The following ZNF521 variants were observed in gnomAD, a reference collection of about 807,000 sequenced individuals.
The protein encoded by ZNF521 is zinc finger protein 521, also known as LYST-interacting protein 3.
Under a neutral mutation model 105.5 loss-of-function variants are expected in ZNF521, and 14 were observed. The ratio of observed to expected loss-of-function variants is 0.13; its 90% CI spans 0.09 to 0.21. ZNF521 has a LOEUF of 0.21. Ranked by LOEUF, ZNF521 falls within the 10% of genes least tolerant of loss-of-function variation. ZNF521 has a pLI of 1.00. For missense variants in ZNF521, 1,233 were observed against 1,629.7 expected (o/e 0.76, Z 4.19); for synonymous variants, 635 against 606.0 (o/e 1.05, Z -0.70).
intron 4 of ZNF521, chr18:25,201,029 A>G (rs1391216242): frequency 6.8e-6 from 1 of 148,098 alleles, no homozygotes; most frequent in Non-Finnish European, 1.5e-5. Context: ...TTGAAAGCCC[A>G]TTTGTAGTGA....
At chr18:25,078,380 A>G (rs1427431178) in intron 7 of ZNF521, among the ~76,000 whole-genome samples, 1 of 152,328 alleles carries the variant, frequency 6.6e-6, no homozygotes, top group East Asian at 1.9e-4. Context: ...TCTCAAAGTG[A>G]TCTTTCACCC....
rs745891240 is a variant in ZNF521 at position 25,225,383 on chromosome 18, A to G, written c.2535T>C (p.Asn845=). 1 of 1,614,110 alleles carries G rather than the reference A, an allele frequency of 6.2e-7. No homozygotes were observed. Among genetic ancestry groups the G allele is most frequent in the African/African-American group, 1.3e-5 (1 of 75,034 alleles). Residue 845 remains asparagine, a synonymous_variant, in exon 4 of 8, where the codon AAT becomes AAC. Coordinates refer to ENST00000361524, the MANE Select transcript of ZNF521 (RefSeq NM_015461.3). The surrounding 1 kb of genome is among the most constrained non-coding windows in gnomAD (Gnocchi z 5.6). The stretch of plus-strand genomic sequence containing the variant: ...CTTTCTGCACTTGCTCGGAAGCTCC[A>G]TTTGTTCCACAGTTGGGTGTCTTGG... ...FETKTPNCGT[N]GASEQVQKEE...
chr18:25,067,968 T>C (rs998950237), intron 7 of ZNF521, among the ~76,000 whole-genome samples: 5 of 152,240 alleles, frequency 3.3e-5, no homozygotes, highest in African/African-American at 9.6e-5. Context: ...TGTTTATTTA[T>C]AGCCTTTTGT....
chr18:25,153,067 A>T (rs1046421870), intron 5 of ZNF521, among the ~76,000 whole-genome samples: 13 of 152,208 alleles, frequency 8.5e-5, no homozygotes, highest in African/African-American at 3.1e-4. Flanking sequence ...AGCTAGGTTT[A>T]AGGTTTTAAA....
intron 2 of ZNF521, among the ~76,000 whole-genome samples, chr18:25,324,522 C>A (rs1913103661): frequency 6.6e-6 from 1 of 152,068 alleles, no homozygotes; most frequent in Non-Finnish European, 1.5e-5. Context: ...GGCAAATTGA[C>A]CCCCACACCA....
rs1015369727 is a variant in ZNF521 at position 25,199,441 on chromosome 18, G to A, written c.3574-4197C>T. 2.6e-5 allele frequency among the ~76,000 whole-genome samples: 4 copies of A among 152,022 alleles called. No homozygotes were observed. In the East Asian group the frequency reaches 7.7e-4, roughly 29 times the overall value. On this transcript the variant is annotated intron_variant, in intron 4 of 7. Coordinates refer to ENST00000361524, the MANE Select transcript of ZNF521 (RefSeq NM_015461.3). Reference sequence around the variant, plus strand: ...AATTTAGATATCAATCTGACTATCAGCTGATTATTAGATGCTATCGGGATG... The same window carrying A: ...AATTTAGATATCAATCTGACTATCAACTGATTATTAGATGCTATCGGGATG...
chr18:25,299,602 G>C (rs1238151706), intron 3 of ZNF521, among the ~76,000 whole-genome samples: 1 of 152,160 alleles, frequency 6.6e-6, no homozygotes. Context: ...CCCAATACTG[G>C]TCAGGGTGAG....
rs1426190045 is a variant in ZNF521 at position 25,256,291 on chromosome 18, G to A, written c.221-28594C>T. Among the ~76,000 whole-genome samples, 3 of 151,952 alleles carry A rather than the reference G, an allele frequency of 2.0e-5. No individual in the cohort carries two copies. The East Asian group carries it at 5.8e-4, about 29-fold the overall frequency. On this transcript the variant is annotated intron_variant, in intron 3 of 7. Coordinates refer to ENST00000361524, the MANE Select transcript of ZNF521 (RefSeq NM_015461.3). ...GATGCGGAATTGTTTAATGAGTATA[G>A]AGTTTCAGTTTTGCAAGATGAAAAG...
At chr18:25,115,720 C>T (rs1041288395) in intron 5 of ZNF521, among the ~76,000 whole-genome samples, 5 of 152,142 alleles carry the variant, frequency 3.3e-5, no homozygotes, top group Non-Finnish European at 7.3e-5. Context: ...AACAGAGTTA[C>T]TAAATTACTA....
chr18:25,225,335 C>A lies in ZNF521; in HGVS notation c.2583G>T (p.Leu861Phe). 3 of 1,614,210 alleles carry A rather than the reference C, an allele frequency of 1.9e-6. No homozygotes were observed. Among genetic ancestry groups the A allele is most frequent in the Non-Finnish European group, 2.5e-6 (3 of 1,180,028 alleles). ...TGTGGGACTCCTGGCTGTTGGTCAG[C>A]AAAGTCTGCAGCTCCACTTCCTCTT... is the stretch of plus-strand genomic sequence containing the variant. ...VQKEEVELQT[L>F]LTNSQESHNS... The change falls in exon 4 of 8, where the codon TTG becomes TTT. Residue 861 changes from leucine (L) to phenylalanine (F), a missense_variant. Physicochemically the swap from Leu to Phe is conservative, Grantham distance 22. Transcript: ENST00000361524. The surrounding 1 kb of genome is among the most constrained non-coding windows in gnomAD (Gnocchi z 5.6).
intron 3 of ZNF521, among the ~76,000 whole-genome samples, chr18:25,282,094 C>A (rs1035090466): frequency 1.3e-5 from 2 of 152,148 alleles, no homozygotes; most frequent in Admixed American, 6.5e-5. Flanking sequence ...TAGGAAAATT[C>A]TGTTTAAGAA....
At chr18:25,240,223 G>C (rs975532745) in intron 3 of ZNF521, among the ~76,000 whole-genome samples, 1 of 152,106 alleles carries the variant, frequency 6.6e-6, no homozygotes, top group African/African-American at 2.4e-5. Flanking sequence ...TCCCCCATCA[G>C]AGTAAGAAGA....
intron 3 of ZNF521, among the ~76,000 whole-genome samples, chr18:25,279,217 A>G (rs755098907): frequency 6.6e-5 from 10 of 152,230 alleles, no homozygotes; most frequent in Non-Finnish European, 1.0e-4. Context: ...GGATTACATC[A>G]ATCAGACTTA....
chr18:25,117,387 C>T (rs992354958), intron 5 of ZNF521, among the ~76,000 whole-genome samples: 1 of 152,084 alleles, frequency 6.6e-6, no homozygotes, highest in African/African-American at 2.4e-5. Context: ...CAACACAACA[C>T]TTACAATGTC....
At chr18:25,166,656 T>C (rs927812569) in intron 5 of ZNF521, among the ~76,000 whole-genome samples, 11 of 152,224 alleles carry the variant, frequency 7.2e-5, no homozygotes, top group Non-Finnish European at 1.5e-5. Flanking sequence ...TCTTTTCCTA[T>C]GTAGGAACAT....
At chr18:25,132,875 G>C (rs973507816) in intron 5 of ZNF521, among the ~76,000 whole-genome samples, 1 of 152,174 alleles carries the variant, frequency 6.6e-6, no homozygotes, top group Admixed American at 6.5e-5. Context: ...AGGAGACAAA[G>C]CCCCGATCTG....
Position 25,101,197 on chromosome 18 carries a change from G to A in ZNF521, c.3659-9116C>T, listed in dbSNP as rs79750016. Among the ~76,000 whole-genome samples the A allele has an allele frequency of 9.4e-3, 1,424 of 152,244 alleles. 21 individuals are homozygous for A. Among genetic ancestry groups the A allele is most frequent in the African/African-American group, 0.033 (1,363 of 41,562 alleles). On this transcript the variant is annotated intron_variant, in intron 5 of 7. Transcript: ENST00000361524. ...AATACAGTTGGCCCTAGAACAACATGGTTAGAACTGTGTGGGTCCACTTAC... is the reference window on the plus strand; with the variant it reads ...AATACAGTTGGCCCTAGAACAACATAGTTAGAACTGTGTGGGTCCACTTAC...
rs1175148905 is a variant in ZNF521, at chr18:25,312,656, C to CA, written c.220+9351dup. The stretch of plus-strand genomic sequence containing the variant: ...TGAAACCCCGTCTCTACTAAAAATA[C>CA]AAAAATTAGCCGGGCGCGGTGGCGG... On this transcript the variant is annotated intron_variant, in intron 3 of 7. Transcript: ENST00000361524. 1.8e-4 allele frequency among the ~76,000 whole-genome samples: 18 copies of CA among 101,092 alleles called. 5 individuals are homozygous for CA. The highest frequency in any genetic ancestry group is 3.8e-4 in the Non-Finnish European group (18 of 47,258). The allele number at this position is 101,092 out of a possible 152,430, so 66.3% of individuals were successfully genotyped here. A position where few individuals can be genotyped will look rare whatever the true frequency, so the allele number is the denominator to read the frequency against.
intron 7 of ZNF521, among the ~76,000 whole-genome samples, chr18:25,082,990 G>T (rs867187315): frequency 6.6e-6 from 1 of 151,806 alleles, no homozygotes; most frequent in African/African-American, 2.4e-5. Flanking sequence ...CCTCTTGTTT[G>T]CAAAAGAGGA....
Sources: gnomAD v4.1 joint callset for allele counts (sites outside exome capture counted in the v4.1 genomes callset) on GRCh38, gnomAD v4.1.1 for gene constraint, Gnocchi (gnomAD v3.1) non-coding constraint, MANE v1.5 for transcripts, NCBI Gene and HGNC (gene_info 2026-07-23, HGNC 2026-07-21) for gene names.